Variants in RNF125 observed in about 807,000 individuals in gnomAD.
The protein encoded by RNF125 is ring finger protein 125, also known as E3 ubiquitin-protein ligase RNF125.
RNF125 carries 21 observed loss-of-function variants against 26.0 expected under a neutral mutation model. The observed-to-expected ratio is 0.81, with a 90% CI of 0.57 to 1.16. The LOEUF (loss-of-function observed/expected upper bound fraction) is 1.16. Ranked by LOEUF, RNF125 falls within the 50% of genes most tolerant of loss-of-function variation. RNF125 has a pLI of 0.00. For synonymous variants in RNF125, 95 were observed against 109.2 expected, an observed-to-expected ratio of 0.87 and a Z score of 0.81; for missense variants, 270 against 299.4, an observed-to-expected ratio of 0.90 and a Z score of 0.72.
intron 1 of RNF125, among the ~76,000 whole-genome samples, chr18:32,025,827 A>G (rs1369847695): frequency 6.6e-6 from 1 of 151,816 alleles, no homozygotes; most frequent in Non-Finnish European, 1.5e-5. Flanking sequence ...AAATGGCAAA[A>G]AGGAGGAGGG....
In RNF125 at chr18:32,024,701, A is replaced by G. The variant is rs552008468; in HGVS notation, c.164+5674A>G. Among the ~76,000 whole-genome samples, 203 of 152,038 alleles carry G rather than the reference A, an allele frequency of 1.3e-3. 1 individual carries two copies. The highest frequency in any genetic ancestry group is 4.7e-3 in the African/African-American group (196 of 41,492). On this transcript the variant is annotated intron_variant, in intron 1 of 5. Coordinates refer to ENST00000217740, the MANE Select transcript of RNF125 (RefSeq NM_017831.4). Reference sequence around the variant, plus strand: ...AGTGATCCTCCTGCCTTAGCCTCTCAAAGAGCTGGGATTACAGGCATGAGC... The same window carrying G: ...AGTGATCCTCCTGCCTTAGCCTCTCGAAGAGCTGGGATTACAGGCATGAGC...
At chr18:32,055,077 G>A (rs2039366817) in intron 4 of RNF125, among the ~76,000 whole-genome samples, 1 of 151,594 alleles carries the variant, frequency 6.6e-6, no homozygotes, top group African/African-American at 2.4e-5. Context: ...TGGGGGAATT[G>A]TTTGACCCCA....
chr18:32,057,920 G>A (rs977436239), intron 4 of RNF125, among the ~76,000 whole-genome samples: 3 of 151,998 alleles, frequency 2.0e-5, no homozygotes, highest in African/African-American at 7.2e-5. Context: ...TTACCAGATG[G>A]TGACAATGCT....
rs183674026 is a variant in RNF125 at position 32,061,311 on chromosome 18, C to A, written c.505-4591C>A. Among the ~76,000 whole-genome samples the A allele has an allele frequency of 3.0e-4, 46 of 152,238 alleles. No individual in the cohort carries two copies. The East Asian group carries it at 8.9e-3, about 29-fold the overall frequency. On this transcript the variant is annotated intron_variant, in intron 4 of 5. Coordinates refer to ENST00000217740, the MANE Select transcript of RNF125 (RefSeq NM_017831.4). ...AGTGCTGGGATTACAGGCGTGAGCCCCCGTGCCTGGCCTAAAATTCCAGGT... is the reference window on the plus strand; with the variant it reads ...AGTGCTGGGATTACAGGCGTGAGCCACCGTGCCTGGCCTAAAATTCCAGGT...
At chr18:32,032,543 C>T (rs1404790586) in intron 1 of RNF125, among the ~76,000 whole-genome samples, 1 of 151,958 alleles carries the variant, frequency 6.6e-6, no homozygotes, top group Non-Finnish European at 1.5e-5. Context: ...ATTTTTTTCC[C>T]CCCAAGCCAA....
At chr18:32,043,857 C>A (rs924423902) in intron 3 of RNF125, among the ~76,000 whole-genome samples, 1 of 152,118 alleles carries the variant, frequency 6.6e-6, no homozygotes, top group African/African-American at 2.4e-5. Flanking sequence ...AAAATTCTTA[C>A]ACCTAGAGTT....
At chr18:32,031,929 T>TCTTG (rs2039100966) in intron 1 of RNF125, among the ~76,000 whole-genome samples, 1 of 151,300 alleles carries the variant, frequency 6.6e-6, no homozygotes, top group South Asian at 2.1e-4. Flanking sequence ...AGAGATGGAG[T>TCTTG]CTTGCTGTTG....
At chr18:32,043,891 G>A (rs1183743493) in intron 3 of RNF125, among the ~76,000 whole-genome samples, 1 of 152,080 alleles carries the variant, frequency 6.6e-6, no homozygotes, top group Non-Finnish European at 1.5e-5. Flanking sequence ...AGTTTTGGGG[G>A]ACAAGAAGTT....
rs560928362 is a variant in RNF125, at chr18:32,024,407, T to C, written c.164+5380T>C. Among the ~76,000 whole-genome samples the C allele has an allele frequency of 5.3e-5, 8 of 151,824 alleles. No homozygotes were observed. The East Asian group carries it at 1.4e-3, about 26-fold the overall frequency. On this transcript the variant is annotated intron_variant, in intron 1 of 5. Transcript: ENST00000217740. ...TCTCCAAGAACATATCTTGCTTTTT[T>C]GGTATATTCTGCCTGAAGAATTGTT...
In RNF125 at chr18:32,069,616, AC is replaced by A. The variant is rs936225196; in HGVS notation, c.*1236del. The A allele has an allele frequency of 2.0e-5, 3 of 152,252 alleles. No homozygotes were observed. Among genetic ancestry groups the A allele is most frequent in the East Asian group, 1.9e-4 (1 of 5,188 alleles). The allele number at this position is 152,252 out of a possible 1,614,324, so 9.4% of individuals were successfully genotyped here. A position where few individuals can be genotyped will look rare whatever the true frequency, so the allele number is the denominator to read the frequency against. ...CTTTTTGTGTCCTGTCACAATTACA[AC>A]CCCACAAAAGTAACTGCTAGACTGA... On this transcript the variant is annotated 3_prime_UTR_variant, in exon 6 of 6. Transcript: ENST00000217740.
At chr18:32,086,770 C>T in the RNF125 span, among the ~76,000 whole-genome samples, 7 of 152,108 alleles carry the variant, frequency 4.6e-5, no homozygotes, top group East Asian at 3.8e-4. Context: ...CTGCCTGCCT[C>T]GGCCTCCCAA....
chr18:32,042,133 A>G (rs930652565), intron 2 of RNF125, 46 bp from the exon 3 acceptor site: 1 of 1,360,380 alleles, frequency 7.4e-7, no homozygotes, highest in Non-Finnish European at 1.0e-6. Flanking sequence ...GCTTTCATTG[A>G]GCCCTTTTTT....
At position 32,054,242 on chromosome 18, in the gene RNF125, C is replaced by T. The variant is rs1009223133; in HGVS notation, c.504+8510C>T. Among the ~76,000 whole-genome samples the T allele has an allele frequency of 9.2e-5, 14 of 151,892 alleles. 1 individual carries two copies. The East Asian group carries it at 1.7e-3, about 19-fold the overall frequency. On this transcript the variant is annotated intron_variant, in intron 4 of 5. Transcript: ENST00000217740. Reference sequence around the variant, plus strand: ...CCAAGTAGCTGGGATTACAGGCGTGCGCCACCATGCCGGCTAATTTTTGTA... The same window carrying T: ...CCAAGTAGCTGGGATTACAGGCGTGTGCCACCATGCCGGCTAATTTTTGTA...
At chr18:32,085,416 A>AGAGAGAGAGAGAGAGAGAGAG in the RNF125 span, among the ~76,000 whole-genome samples, 4 of 125,082 alleles carry the variant, frequency 3.2e-5, no homozygotes, top group Admixed American at 8.2e-5. Flanking sequence ...AGAGAGAGAG[A>AGAGAGAGAGAGAGAGAGAGAG]AAGCTGGGTG....
At chr18:32,042,390 T>A in intron 3 of RNF125, 117 bp downstream of exon 3, 1 of 670,214 alleles carries the variant, frequency 1.5e-6, no homozygotes, top group Non-Finnish European at 2.5e-6. Context: ...TTTATGTTCT[T>A]AACTATAATA....
chr18:32,050,743 C>A (rs2039315822), intron 4 of RNF125, among the ~76,000 whole-genome samples: 1 of 151,336 alleles, frequency 6.6e-6, no homozygotes, highest in South Asian at 2.1e-4. Context: ...CACTTTTTTT[C>A]TTTTTCCTTA....
At chr18:32,054,782 ATGAGGTGTCTAC>A (rs888246628) in intron 4 of RNF125, among the ~76,000 whole-genome samples, 3 of 152,212 alleles carry the variant, frequency 2.0e-5, no homozygotes, top group Non-Finnish European at 4.4e-5. Context: ...TTCTTTATTC[ATGAGGTGTCTAC>A]TGTGTGTCAA....
the RNF125 span, among the ~76,000 whole-genome samples, chr18:32,087,764 A>G: frequency 3.3e-5 from 5 of 152,150 alleles, no homozygotes; most frequent in East Asian, 5.8e-4. Context: ...GTGTAAAAAG[A>G]GCATGGTCTT....
At chr18:32,023,991 A>G (rs753472568) in intron 1 of RNF125, among the ~76,000 whole-genome samples, 1 of 152,116 alleles carries the variant, frequency 6.6e-6, no homozygotes, top group African/African-American at 2.4e-5. Context: ...AAGTCCATCC[A>G]ATTTCAGTCA....
Sources: allele counts gnomAD v4.1 joint callset (sites outside exome capture counted in the v4.1 genomes callset), GRCh38; gene constraint gnomAD v4.1.1; transcripts MANE v1.5; gene names NCBI Gene and HGNC (gene_info 2026-07-23, HGNC 2026-07-21).